The following PFKFB3 variants were observed in gnomAD, a reference collection of about 807,000 sequenced individuals.
The protein encoded by PFKFB3 is 6-phosphofructo-2-kinase/fructose-2,6-biphosphatase 3.
In PFKFB3, 33 loss-of-function variants were observed where a neutral mutation model predicts 68.0. The ratio of observed to expected loss-of-function variants is 0.49; its 90% confidence interval spans 0.37 to 0.65. The LOEUF (loss-of-function observed/expected upper bound fraction) is 0.65, where lower values mean the gene tolerates loss of function less well. PFKFB3 is among the 30% of genes least tolerant of loss of function. The pLI, the probability that PFKFB3 is intolerant of heterozygous loss-of-function variation, is 0.00. For missense variants in PFKFB3, 586 were observed against 712.2 expected (o/e 0.82, Z 2.02); for synonymous variants, 315 against 288.2 (o/e 1.09, Z -0.94).
intron 13 of PFKFB3, among the ~76,000 whole-genome samples, chr10:6,225,628 G>A (rs890326013): frequency 1.2e-4 from 19 of 152,192 alleles, no homozygotes; most frequent in African/African-American, 4.3e-4. Flanking sequence ...GGTCCTGGCC[G>A]CAGAACCTGC....
chr10:6,184,771 C>CTTTTTTT (rs35388630), intron 1 of PFKFB3, among the ~76,000 whole-genome samples: 1 of 121,448 alleles, frequency 8.2e-6, no homozygotes, highest in African/African-American at 3.2e-5. Flanking sequence ...CGCGCCTGGC[C>CTTTTTTT]TTTTTTTTTT....
At chr10:6,248,635 A>C (rs1846308558) in intron 14 of PFKFB3, among the ~76,000 whole-genome samples, 1 of 144,996 alleles carries the variant, frequency 6.9e-6, no homozygotes, top group East Asian at 2.0e-4. Context: ...TCTCAAAAAA[A>C]AAAAAAAAAA....
intron 1 of PFKFB3, among the ~76,000 whole-genome samples, chr10:6,176,905 A>G (rs1842489929): frequency 2.0e-5 from 3 of 152,204 alleles, no homozygotes; most frequent in Admixed American, 1.3e-4. Context: ...CAATCTGAAC[A>G]TAAAATGCTA....
At chr10:6,150,039 T>A (rs4750024) in intron 1 of PFKFB3, 114,391 of 152,134 alleles carry the variant, frequency 0.75, 43,174 homozygotes, top group Admixed American at 0.79. Context: ...TGCAATAAAC[T>A]TGGGGTTTGG....
chr10:6,177,424 CCTTTCT>C (rs1842530969), intron 1 of PFKFB3, among the ~76,000 whole-genome samples: 1 of 33,554 alleles, frequency 3.0e-5, no homozygotes, highest in Non-Finnish European at 6.7e-5. Flanking sequence ...TCTCTTTCTT[CCTTTCT>C]TTTCTTTCTC....
intron 1 of PFKFB3, among the ~76,000 whole-genome samples, chr10:6,209,449 G>A (rs1844010927): frequency 6.6e-6 from 1 of 151,946 alleles, no homozygotes; most frequent in Non-Finnish European, 1.5e-5. Flanking sequence ...ATACTCTTTG[G>A]AAAATCTTGT....
chr10:6,284,251 G>T, the PFKFB3 span, among the ~76,000 whole-genome samples: 1 of 152,190 alleles, frequency 6.6e-6, no homozygotes, highest in Non-Finnish European at 1.5e-5. Flanking sequence ...TTTTCTGCCT[G>T]CTAGACCTAT....
At chr10:6,325,851 A>G in the PFKFB3 span, among the ~76,000 whole-genome samples, 1 of 152,206 alleles carries the variant, frequency 6.6e-6, no homozygotes, top group Non-Finnish European at 1.5e-5. Context: ...CACGTACATC[A>G]ATGGTTATCA....
chr10:6,309,735 T>C, the PFKFB3 span, among the ~76,000 whole-genome samples: 1 of 152,178 alleles, frequency 6.6e-6, no homozygotes, highest in Non-Finnish European at 1.5e-5. Flanking sequence ...TCTTGGATTT[T>C]TGCTTCAAAA....
At chr10:6,165,739 T>C (rs1309430847) in intron 1 of PFKFB3, among the ~76,000 whole-genome samples, 1 of 152,208 alleles carries the variant, frequency 6.6e-6, no homozygotes, top group Non-Finnish European at 1.5e-5. Context: ...GTTATATAAG[T>C]AAACTCGTTT....
Position 6,221,238 on chromosome 10 carries a change from C to T in PFKFB3, c.832-143C>T, listed in dbSNP as rs186763073. The T allele has an allele frequency of 1.3e-4, 114 of 880,920 alleles. 1 individual carries two copies. Among genetic ancestry groups the T allele is most frequent in the Middle Eastern group, 9.9e-4 (3 of 3,034 alleles). 54.6% of individuals were successfully genotyped at this position (880,920 alleles called of 1,614,324 possible). On this transcript the variant is annotated intron_variant, in intron 8 of 14. Transcript: ENST00000379775. ...GCCTGGTCTCTGGGTAGGGTGTGTG[C>T]GGCTGTGGCTGTCCCAGTGGCCTGG...
intron 1 of PFKFB3, among the ~76,000 whole-genome samples, chr10:6,207,944 A>T (rs1024751731): frequency 1.4e-4 from 22 of 152,188 alleles, no homozygotes; most frequent in African/African-American, 5.1e-4. Flanking sequence ...TACCGGGCTG[A>T]GTCCTAAGAT....
chr10:6,292,500 A>T, the PFKFB3 span, among the ~76,000 whole-genome samples: 66 of 151,320 alleles, frequency 4.4e-4, 1 homozygote, highest in South Asian at 0.012. Context: ...TCTACTAGCC[A>T]GGATGGTCTC....
chr10:6,166,711 C>T (rs961082317), intron 1 of PFKFB3, among the ~76,000 whole-genome samples: 1 of 152,140 alleles, frequency 6.6e-6, no homozygotes, highest in Non-Finnish European at 1.5e-5. Context: ...ACAAGGGGCC[C>T]AGGTGCCCTT....
chr10:6,276,715 G>A, the PFKFB3 span, among the ~76,000 whole-genome samples: 1 of 152,092 alleles, frequency 6.6e-6, no homozygotes, highest in Non-Finnish European at 1.5e-5. Flanking sequence ...GTGCAGGAAG[G>A]TCCTTGTCCC....
intron 1 of PFKFB3, among the ~76,000 whole-genome samples, chr10:6,158,158 G>A (rs1246478060): frequency 3.9e-5 from 6 of 152,036 alleles, no homozygotes; most frequent in South Asian, 4.1e-4. Flanking sequence ...GCGTGGTGGC[G>A]GGCGCCTGTG....
Position 6,210,498 on chromosome 10 carries a change from C to A in PFKFB3, c.77-3125C>A, listed in dbSNP as rs1470627313. Among the ~76,000 whole-genome samples, 2 of 115,318 alleles carry A rather than the reference C, an allele frequency of 1.7e-5. 1 individual carries two copies. The highest frequency in any genetic ancestry group is 4.2e-5 in the Non-Finnish European group (2 of 47,470). 75.7% of individuals were successfully genotyped at this position (115,318 alleles called of 152,430 possible). A position where few individuals can be genotyped will look rare whatever the true frequency, so the allele number is the denominator to read the frequency against. ...GCCTCAGCCTCCCGAGTAGCTGGGA[C>A]TACAGGCGCCCGCCAACATGGCCGG... On this transcript the variant is annotated intron_variant, in intron 1 of 14. Transcript: ENST00000379775.
At chr10:6,157,060 C>T (rs1279969793) in intron 1 of PFKFB3, among the ~76,000 whole-genome samples, 1 of 150,846 alleles carries the variant, frequency 6.6e-6, no homozygotes, top group Admixed American at 6.6e-5. Context: ...CCACTGCACT[C>T]CAGCCTGGGC....
Position 6,167,043 on chromosome 10 carries a change from C to G in PFKFB3, c.16+22030C>G, listed in dbSNP as rs1004971625. On this transcript the variant is annotated intron_variant, in intron 1 of 14. Coordinates refer to the PFKFB3 transcript ENST00000379789. The stretch of plus-strand genomic sequence containing the variant: ...GGAGTTTCTCCATGTTGGTCAGGAA[C>G]TCCCCATCTCAGGTGATGGGCCCGC... 3.9e-5 allele frequency among the ~76,000 whole-genome samples: 6 copies of G among 152,282 alleles called. No homozygotes were observed. In the East Asian group the frequency reaches 7.7e-4, roughly 20 times the overall value.
Sources: allele counts gnomAD v4.1 joint callset (sites outside exome capture counted in the v4.1 genomes callset), GRCh38; gene constraint gnomAD v4.1.1; transcripts MANE v1.5; gene names NCBI Gene and HGNC (gene_info 2026-07-23, HGNC 2026-07-21).